The following ZNF503 variants were observed in gnomAD, a reference collection of about 807,000 sequenced individuals.
ZNF503 encodes zinc finger protein 503.
ZNF503 carries 15 observed loss-of-function variants against 34.4 expected under a neutral mutation model. The ratio of observed to expected loss-of-function variants is 0.44; its 90% CI spans 0.29 to 0.67. The LOEUF (loss-of-function observed/expected upper bound fraction) is 0.67. Among genes scored for constraint, ZNF503 ranks in the 30% least tolerant of loss-of-function variants. ZNF503 has a pLI of 0.13. For missense variants in ZNF503, 1,007 were observed against 926.8 expected, an observed-to-expected ratio of 1.09 and a Z score of -1.12; for synonymous variants, 580 against 456.8, an observed-to-expected ratio of 1.27 and a Z score of -3.44.
chr10:75,316,036 A>G, the ZNF503 span, among the ~76,000 whole-genome samples: 3 of 152,366 alleles, frequency 2.0e-5, no homozygotes, highest in Admixed American at 2.0e-4. Context: ...TTATAAACAT[A>G]TATATGCAGC....
chr10:75,398,442 C>T lies in ZNF503; in HGVS notation c.*307G>A, dbSNP rs1012300760. ...AACATAAATAAATACCAGTGTCCAC[C>T]GATGCAGTCCTCAGATGAACACTTT... On this transcript the variant is annotated 3_prime_UTR_variant, in exon 2 of 2. Transcript: ENST00000372524. The T allele has an allele frequency of 2.7e-5, 7 of 259,882 alleles. No homozygotes were observed. Among genetic ancestry groups the T allele is most frequent in the African/African-American group, 1.3e-4 (6 of 45,298 alleles). 16.1% of individuals were successfully genotyped at this position (259,882 alleles called of 1,614,324 possible). A position where few individuals can be genotyped will look rare whatever the true frequency, so the allele number is the denominator to read the frequency against.
At chr10:75,365,893 G>A in the ZNF503 span, among the ~76,000 whole-genome samples, 1 of 152,192 alleles carries the variant, frequency 6.6e-6, no homozygotes, top group Non-Finnish European at 1.5e-5. Flanking sequence ...AACCAATGAA[G>A]GGTGGCTCTG....
the ZNF503 span, chr10:75,373,584 C>T: frequency 6.6e-6 from 1 of 152,094 alleles, no homozygotes; most frequent in South Asian, 2.1e-4. Context: ...GCGCACCGTT[C>T]TCAACACCAG....
At chr10:75,316,293 G>T in the ZNF503 span, among the ~76,000 whole-genome samples, 4 of 151,514 alleles carry the variant, frequency 2.6e-5, no homozygotes, top group East Asian at 5.8e-4. Flanking sequence ...TGCACATGGA[G>T]CATTCTCCAG....
chr10:75,390,975 G>T, the ZNF503 span, among the ~76,000 whole-genome samples: 1 of 152,168 alleles, frequency 6.6e-6, no homozygotes, highest in Non-Finnish European at 1.5e-5. Context: ...TTGGTTGGGG[G>T]TGGGAGGTTG....
chr10:75,361,164 G>C, the ZNF503 span: 1 of 152,216 alleles, frequency 6.6e-6, no homozygotes, highest in African/African-American at 2.4e-5. Flanking sequence ...CTCTTACTAA[G>C]TTGGGTAAGA....
the ZNF503 span, among the ~76,000 whole-genome samples, chr10:75,374,692 A>G: frequency 2.0e-5 from 3 of 152,178 alleles, no homozygotes; most frequent in South Asian, 2.1e-4. Context: ...GTCTTTCTCC[A>G]TTGGAAGAGA....
chr10:75,330,925 T>C, the ZNF503 span, among the ~76,000 whole-genome samples: 3 of 152,338 alleles, frequency 2.0e-5, no homozygotes, highest in South Asian at 4.1e-4. Flanking sequence ...TTCCTTGAGA[T>C]GCATTGTTAG....
At chr10:75,341,020 A>G in the ZNF503 span, among the ~76,000 whole-genome samples, 3 of 152,356 alleles carry the variant, frequency 2.0e-5, no homozygotes, top group East Asian at 5.8e-4. Flanking sequence ...CCTCTATTTC[A>G]GTCATTATTT....
At chr10:75,367,672 A>G in the ZNF503 span, among the ~76,000 whole-genome samples, 1 of 152,242 alleles carries the variant, frequency 6.6e-6, no homozygotes, top group Non-Finnish European at 1.5e-5. Context: ...AGCGATTTGC[A>G]TATAATATAT....
At chr10:75,388,098 C>T in the ZNF503 span, among the ~76,000 whole-genome samples, 3 of 152,144 alleles carry the variant, frequency 2.0e-5, no homozygotes, top group Non-Finnish European at 4.4e-5. Flanking sequence ...ACCCTAAATA[C>T]CCTACATGCT....
Position 75,400,391 on chromosome 10 carries a change from TG to T in ZNF503, c.316-18del, listed in dbSNP as rs111435527. 36,336 of 1,588,454 alleles carry T rather than the reference TG, an allele frequency of 0.023. 5,315 individuals carry two copies. In the African/African-American group the frequency reaches 0.37, roughly 16 times the overall value. On this transcript the variant is annotated intron_variant, in intron 1 of 1. Transcript: ENST00000372524. Reference sequence around the variant, plus strand: ...GGCATCGAGCTGCGGGGTCAGACGATGGGGGGGGAGCGTCACACAGAGAAAG... The same window carrying T: ...GGCATCGAGCTGCGGGGTCAGACGATGGGGGGGAGCGTCACACAGAGAAAG...
chr10:75,355,428 G>T, the ZNF503 span, among the ~76,000 whole-genome samples: 1 of 152,290 alleles, frequency 6.6e-6, no homozygotes, highest in South Asian at 2.1e-4. Context: ...TGTCCTGCAA[G>T]AGAGACACTA....
At chr10:75,331,267 G>A in the ZNF503 span, among the ~76,000 whole-genome samples, 5 of 152,152 alleles carry the variant, frequency 3.3e-5, no homozygotes, top group Admixed American at 1.3e-4. Flanking sequence ...AAAAGAATAT[G>A]CATTCTGCAG....
At chr10:75,363,330 C>T in the ZNF503 span, among the ~76,000 whole-genome samples, 2 of 151,938 alleles carry the variant, frequency 1.3e-5, no homozygotes, top group African/African-American at 4.9e-5. Context: ...TGTGGCCAGG[C>T]CTTGGAGAAT....
chr10:75,281,411 A>G, the ZNF503 span, among the ~76,000 whole-genome samples: 59,800 of 151,872 alleles, frequency 0.39, 11,923 homozygotes, highest in African/African-American at 0.43. Flanking sequence ...TGATGAGCAC[A>G]TTACTGTCGA....
the ZNF503 span, among the ~76,000 whole-genome samples, chr10:75,354,973 G>A: frequency 6.6e-6 from 1 of 152,126 alleles, no homozygotes; most frequent in African/African-American, 2.4e-5. Context: ...CAAGCAGCTG[G>A]GACTACAGGC....
the ZNF503 span, among the ~76,000 whole-genome samples, chr10:75,320,266 G>A: frequency 6.6e-6 from 1 of 151,984 alleles, no homozygotes; most frequent in Non-Finnish European, 1.5e-5. Flanking sequence ...CAGATCACCT[G>A]AGGTCAGGAG....
the ZNF503 span, among the ~76,000 whole-genome samples, chr10:75,310,522 G>T: frequency 1.2e-4 from 19 of 152,148 alleles, no homozygotes; most frequent in African/African-American, 4.6e-4. Context: ...GAAAACATAG[G>T]GCTCCACTCC....
Sources: gnomAD v4.1 joint callset for allele counts (sites outside exome capture counted in the v4.1 genomes callset) on GRCh38, gnomAD v4.1.1 for gene constraint, MANE v1.5 for transcripts, NCBI Gene and HGNC (gene_info 2026-07-23, HGNC 2026-07-21) for gene names.